The following CPD variants were observed in gnomAD, a reference collection of about 807,000 sequenced individuals.
The protein encoded by CPD is carboxypeptidase D.
A neutral mutation model predicts 138.3 loss-of-function variants in CPD; 69 were observed. The observed-to-expected ratio is 0.50, with a 90% CI of 0.41 to 0.61. The LOEUF is 0.61. CPD is among the 20% of genes least tolerant of loss of function. The pLI is 0.00. For missense variants in CPD, 1,432 were observed against 1,733.3 expected (o/e 0.83, Z 3.09); for synonymous variants, 651 against 642.1 (o/e 1.01, Z -0.21).
Position 30,463,221 on chromosome 17 carries a change from C to A in CPD, c.3916+752C>A, listed in dbSNP as rs113920075. ...CCTCCACGGAGAGGCTTTCCCTGATCACCCTAGCTACCCCTGTCACTATCT... is the reference window on the plus strand; with the variant it reads ...CCTCCACGGAGAGGCTTTCCCTGATAACCCTAGCTACCCCTGTCACTATCT... On this transcript the variant is annotated intron_variant, in intron 20 of 20. Coordinates refer to ENST00000225719, the MANE Select transcript of CPD (RefSeq NM_001304.5). Among the ~76,000 whole-genome samples the A allele has an allele frequency of 2.6e-3, 391 of 152,342 alleles. 2 individuals carry two copies. Among genetic ancestry groups the A allele is most frequent in the African/African-American group, 8.7e-3 (361 of 41,582 alleles).
chr17:30,401,298 T>A (rs1911655119), intron 2 of CPD, among the ~76,000 whole-genome samples: 1 of 151,864 alleles, frequency 6.6e-6, no homozygotes, highest in Admixed American at 6.6e-5. Context: ...CTCTTTCTCC[T>A]CTTACTCCTC....
At chr17:30,446,265 T>C (rs1311210083) in intron 12 of CPD, among the ~76,000 whole-genome samples, 17 of 152,252 alleles carry the variant, frequency 1.1e-4, no homozygotes. Flanking sequence ...CATGTTGGTG[T>C]GCTGCACCCA....
At chr17:30,442,473 T>C in intron 10 of CPD, 23 bp downstream of exon 10, 1 of 1,603,356 alleles carries the variant, frequency 6.2e-7, no homozygotes, top group Non-Finnish European at 8.5e-7. Context: ...GAGTGAAGTA[T>C]GAAATTTCTC....
At chr17:30,459,186 T>A (rs1402429655) in intron 17 of CPD, among the ~76,000 whole-genome samples, 2 of 109,534 alleles carry the variant, frequency 1.8e-5, no homozygotes, top group African/African-American at 3.5e-5. Flanking sequence ...TCCTTTTTTT[T>A]AATTTATTTT....
At chr17:30,456,200 G>C in intron 15 of CPD, 56 bp from the exon 16 acceptor site, 1 of 1,401,428 alleles carries the variant, frequency 7.1e-7, no homozygotes, top group Non-Finnish European at 1.0e-6. Context: ...AGGTTAACTT[G>C]GGGGAAAAAA....
intron 11 of CPD, 39 bp from the exon 12 acceptor site, chr17:30,445,652 C>A: frequency 1.4e-6 from 2 of 1,436,568 alleles, no homozygotes; most frequent in Non-Finnish European, 1.9e-6. Flanking sequence ...GGTACTCCAG[C>A]TGCAGGAGTG....
Position 30,464,849 on chromosome 17 carries a change from C to A in CPD, c.*35C>A. 6.5e-7 allele frequency: 1 copy of A among 1,538,642 alleles called. No individual in the cohort carries two copies. Among genetic ancestry groups the A allele is most frequent in the Non-Finnish European group, 9.0e-7 (1 of 1,113,778 alleles). ...TTTGCATATCTCCCAGCATAAGTAC[C>A]AAGCAAAATTACAGTTCCTCTTGGG... On this transcript the variant is annotated 3_prime_UTR_variant, in exon 21 of 21. Transcript: ENST00000225719.
intron 5 of CPD, 147 bp downstream of exon 5, chr17:30,423,170 A>G (rs1912313357): frequency 1.5e-6 from 1 of 650,234 alleles, no homozygotes; most frequent in African/African-American, 1.8e-5. Context: ...GCAAAAAAGA[A>G]AATGTAACCA....
intron 13 of CPD, among the ~76,000 whole-genome samples, chr17:30,451,101 C>T (rs1913155172): frequency 1.3e-5 from 2 of 152,134 alleles, no homozygotes; most frequent in Admixed American, 1.3e-4. Flanking sequence ...ATGATTATCT[C>T]CATTTTATAA....
At position 30,456,240 on chromosome 17, in the gene CPD, A is replaced by G. The variant is rs759383862; in HGVS notation, c.3338-16A>G. On this transcript the variant is annotated splice_polypyrimidine_tract_variant and intron_variant, in intron 15 of 20. Transcript: ENST00000225719. Reference sequence around the variant, plus strand: ...TTTGGATTTCTCCACTGACTTCTAAATTTTTCTTTCTATAGTGGAAAATAA... The same window carrying G: ...TTTGGATTTCTCCACTGACTTCTAAGTTTTTCTTTCTATAGTGGAAAATAA... 2 of 1,593,122 alleles carry G rather than the reference A, an allele frequency of 1.3e-6. No individual in the cohort carries two copies. The highest frequency in any genetic ancestry group is 1.7e-6 in the Non-Finnish European group (2 of 1,168,272).
At chr17:30,386,214 A>C (rs1434200617) in intron 2 of CPD, among the ~76,000 whole-genome samples, 1 of 152,060 alleles carries the variant, frequency 6.6e-6, no homozygotes, top group African/African-American at 2.4e-5. Flanking sequence ...TTTTTTGTAG[A>C]GATGGGGTAT....
rs2302348 is a variant in CPD at position 30,423,305 on chromosome 17, A to G, written c.1658-201A>G. 3.9e-5 allele frequency among the ~76,000 whole-genome samples: 6 copies of G among 152,340 alleles called. No individual in the cohort carries two copies. The East Asian group carries it at 9.6e-4, about 24-fold the overall frequency. Reference sequence around the variant, plus strand: ...TTTATTTATATTATATAGCATATATATGCTTTGAGCCTGCTCAGACATATG... The same window carrying G: ...TTTATTTATATTATATAGCATATATGTGCTTTGAGCCTGCTCAGACATATG... On this transcript the variant is annotated intron_variant, in intron 5 of 20. Coordinates refer to ENST00000225719, the MANE Select transcript of CPD (RefSeq NM_001304.5).
intron 2 of CPD, among the ~76,000 whole-genome samples, chr17:30,416,733 AC>A (rs1327487615): frequency 6.6e-6 from 1 of 152,020 alleles, no homozygotes; most frequent in Non-Finnish European, 1.5e-5. Flanking sequence ...ACTTAATGTT[AC>A]CTCCTCATGA....
At chr17:30,455,839 T>C (rs961534320) in intron 15 of CPD, 1 of 240,148 alleles carries the variant, frequency 4.2e-6, no homozygotes, top group Non-Finnish European at 8.0e-6. Flanking sequence ...TTCCCTGTTT[T>C]AAACTTTGAC....
At chr17:30,427,329 C>T (rs183594286) in intron 6 of CPD, 62 bp from the exon 7 acceptor site, 122 of 1,458,216 alleles carry the variant, frequency 8.4e-5, no homozygotes, top group Admixed American at 6.8e-4. Context: ...TAAAGTAGTA[C>T]GTGTTGGAAT....
chr17:30,442,285 T>C, intron 9 of CPD, 23 bp from the exon 10 acceptor site: 1 of 1,607,712 alleles, frequency 6.2e-7, no homozygotes. Flanking sequence ...TCAGAGTGAC[T>C]AATTTTAATT....
In CPD at chr17:30,445,970, G is replaced by A. The variant is rs1193255980; in HGVS notation, c.2823G>A (p.Glu941=). The change falls in exon 12 of 21, where the codon GAG becomes GAA. Residue 941 remains glutamate (E), a synonymous_variant. Coordinates refer to ENST00000225719, the MANE Select transcript of CPD (RefSeq NM_001304.5). The part of the protein sequence containing the change: ...YRYHSYKDLS[E]FLRGLVMNYP... ...ACCATTCCTACAAAGACTTATCAGAGTTTCTGAGAGGACTTGTAATGAACT... is the reference window on the plus strand; with the variant it reads ...ACCATTCCTACAAAGACTTATCAGAATTTCTGAGAGGACTTGTAATGAACT... 3.1e-6 allele frequency: 5 copies of A among 1,611,910 alleles called. No homozygotes were observed. Among genetic ancestry groups the A allele is most frequent in the South Asian group, 2.2e-5 (2 of 91,020 alleles).
intron 14 of CPD, among the ~76,000 whole-genome samples, chr17:30,452,790 G>A (rs1312676355): frequency 1.3e-5 from 2 of 151,556 alleles, no homozygotes; most frequent in African/African-American, 4.9e-5. Context: ...ACCCAAGACT[G>A]GAAAGAAAAG....
chr17:30,424,964 A>C (rs1912364301), intron 6 of CPD, among the ~76,000 whole-genome samples: 1 of 152,206 alleles, frequency 6.6e-6, no homozygotes, highest in South Asian at 2.1e-4. Flanking sequence ...TCACTTGAAC[A>C]AATAGGCACA....
Sources: allele counts gnomAD v4.1 joint callset (sites outside exome capture counted in the v4.1 genomes callset), GRCh38; gene constraint gnomAD v4.1.1; transcripts MANE v1.5; gene names NCBI Gene and HGNC (gene_info 2026-07-23, HGNC 2026-07-21).